Variants in GNAL observed in about 807,000 individuals in gnomAD.
GNAL encodes the protein G protein subunit alpha L, also known as guanine nucleotide-binding protein G(olf) subunit alpha.
Under a neutral mutation model 55.1 loss-of-function variants are expected in GNAL, and 18 were observed. The ratio of observed to expected loss-of-function variants is 0.33; its 90% CI spans 0.23 to 0.48. GNAL has a LOEUF of 0.48. Among genes scored for constraint, GNAL ranks in the 20% least tolerant of loss-of-function variants. GNAL has a pLI of 0.99. For synonymous variants in GNAL, 253 were observed against 237.0 expected, an observed-to-expected ratio of 1.07 and a Z score of -0.62; for missense variants, 412 against 614.1, an observed-to-expected ratio of 0.67 and a Z score of 3.48.
At chr18:11,696,561 A>T (rs989361213) in intron 1 of GNAL, among the ~76,000 whole-genome samples, 2 of 151,924 alleles carry the variant, frequency 1.3e-5, no homozygotes, top group Admixed American at 1.3e-4. Context: ...GAATGCAGTG[A>T]TGTTGCATTT....
At chr18:11,720,413 T>C (rs1429045013) in intron 1 of GNAL, among the ~76,000 whole-genome samples, 2 of 152,254 alleles carry the variant, frequency 1.3e-5, no homozygotes, top group African/African-American at 4.8e-5. Flanking sequence ...TCAAAGTAAG[T>C]GCTCCCATTA....
rs933832711 is a variant in GNAL at position 11,751,637 on chromosome 18, G to A, written c.377-1216G>A. 1 of 985,490 alleles carries A rather than the reference G, an allele frequency of 1.0e-6. No individual in the cohort carries two copies. The highest frequency in any genetic ancestry group is 1.2e-6 in the Non-Finnish European group (1 of 829,970). 61.0% of individuals were successfully genotyped at this position (985,490 alleles called of 1,614,324 possible). On this transcript the variant is annotated intron_variant, in intron 1 of 11. Transcript: ENST00000334049. The surrounding 1 kb of genome is among the most constrained non-coding windows in gnomAD (Gnocchi z 4.5). ...GCCCAGACGCACTTTCCCGGCTCGG[G>A]GTGCAAGAGAGCCAGGCGGCCGCGG...
At chr18:11,788,897 G>GA (rs1162398867) in intron 4 of GNAL, among the ~76,000 whole-genome samples, 50 of 82,510 alleles carry the variant, frequency 6.1e-4, no homozygotes, top group African/African-American at 3.1e-3. Flanking sequence ...ACTCCGTCTC[G>GA]AAAAAAAAAA....
rs969044588 is a variant in GNAL at position 11,689,775 on chromosome 18, C to T, written c.212C>T (p.Pro71Leu). The change falls in exon 1 of 12, where the codon CCG (proline) becomes CTG (leucine). Residue 71 changes from proline (P) to leucine (L), a missense_variant. This residue lies in a region of GNAL where 228 missense variants were observed against 194.8 expected (regional missense o/e 1.17). Transcript: ENST00000334049. ...TGCGCTCGGCCCAAAGCAGACAAGC[C>T]GAAGGAGAAGCGGCAGCGCACCGAG... ...PACARPKADK[P>L]KEKRQRTEQL... 1.2e-5 allele frequency: 18 copies of T among 1,526,644 alleles called. No homozygotes were observed. In the Middle Eastern group the frequency reaches 5.1e-4, roughly 43 times the overall value. 94.6% of individuals were successfully genotyped at this position (1,526,644 alleles called of 1,614,324 possible).
intron 9 of GNAL, among the ~76,000 whole-genome samples, chr18:11,870,606 A>G (rs1301688071): frequency 6.6e-6 from 1 of 152,182 alleles, no homozygotes; most frequent in Non-Finnish European, 1.5e-5. Context: ...ATGATCTCTA[A>G]GATCCCTTAC....
At chr18:11,723,207 T>C (rs1268027694) in intron 1 of GNAL, among the ~76,000 whole-genome samples, 2 of 152,074 alleles carry the variant, frequency 1.3e-5, no homozygotes, top group African/African-American at 2.4e-5. Context: ...AAATAAAACG[T>C]TGTAGTCTGT....
At chr18:11,748,733 G>C (rs1015944985) in intron 1 of GNAL, among the ~76,000 whole-genome samples, 2 of 151,924 alleles carry the variant, frequency 1.3e-5, no homozygotes, top group African/African-American at 4.8e-5. Context: ...GTCCCCTGCT[G>C]TCCAACATTT....
intron 1 of GNAL, among the ~76,000 whole-genome samples, chr18:11,717,491 C>T (rs551240110): frequency 2.0e-3 from 302 of 152,288 alleles, no homozygotes; most frequent in African/African-American, 6.8e-3. Context: ...CATATGCACA[C>T]GAATGTTCAT....
At chr18:11,692,007 C>T (rs1035455814) in intron 1 of GNAL, among the ~76,000 whole-genome samples, 3 of 151,652 alleles carry the variant, frequency 2.0e-5, no homozygotes, top group Non-Finnish European at 2.9e-5. Context: ...TGCACTCTAC[C>T]GTAGAATGAA....
At chr18:11,839,983 T>C (rs1185086653) in intron 5 of GNAL, among the ~76,000 whole-genome samples, 1 of 152,216 alleles carries the variant, frequency 6.6e-6, no homozygotes, top group Non-Finnish European at 1.5e-5. Context: ...AAGTAAAACC[T>C]TTCTTAGGGT....
At chr18:11,726,672 A>C (rs151162103) in intron 1 of GNAL, among the ~76,000 whole-genome samples, 1 of 152,254 alleles carries the variant, frequency 6.6e-6, no homozygotes, top group African/African-American at 2.4e-5. Flanking sequence ...GGCTTTCAGC[A>C]TGGAGCTGCT....
chr18:11,792,674 G>A (rs1714565924), intron 4 of GNAL, among the ~76,000 whole-genome samples: 1 of 152,234 alleles, frequency 6.6e-6, no homozygotes, highest in Non-Finnish European at 1.5e-5. Context: ...CTCCTAGCAT[G>A]GTGCCTAGCA....
At chr18:11,736,288 A>G (rs926589083) in intron 1 of GNAL, among the ~76,000 whole-genome samples, 3 of 152,166 alleles carry the variant, frequency 2.0e-5, no homozygotes, top group Admixed American at 2.0e-4. Flanking sequence ...TTAGCTACTC[A>G]GGAGGCCAAG....
intron 1 of GNAL, among the ~76,000 whole-genome samples, chr18:11,733,590 C>G (rs2032391586): frequency 6.6e-6 from 1 of 152,140 alleles, no homozygotes; most frequent in Non-Finnish European, 1.5e-5. Flanking sequence ...CTATGGAATA[C>G]TATTCAGCTG....
intron 1 of GNAL, among the ~76,000 whole-genome samples, chr18:11,724,552 G>A (rs917511996): frequency 7.9e-5 from 12 of 152,174 alleles, no homozygotes; most frequent in East Asian, 1.9e-4. Context: ...TCTGTCGACC[G>A]ATCGTAGGGA....
At chr18:11,863,365 A>C (rs956736686) in intron 6 of GNAL, among the ~76,000 whole-genome samples, 1 of 152,128 alleles carries the variant, frequency 6.6e-6, no homozygotes, top group Non-Finnish European at 1.5e-5. Context: ...AACTTCCCCC[A>C]GAGTCTGTAT....
At chr18:11,706,509 A>G (rs567082401) in intron 1 of GNAL, among the ~76,000 whole-genome samples, 14 of 152,292 alleles carry the variant, frequency 9.2e-5, no homozygotes, top group Non-Finnish European at 1.5e-4. Context: ...AGTTGATCAC[A>G]TCGGTTAACT....
At chr18:11,835,976 C>A (rs1190992390) in intron 5 of GNAL, among the ~76,000 whole-genome samples, 4 of 152,020 alleles carry the variant, frequency 2.6e-5, no homozygotes, top group Non-Finnish European at 4.4e-5. Flanking sequence ...GAGACCTCGT[C>A]TCTACAAATA....
Position 11,689,753 on chromosome 18 carries a change from G to C in GNAL, c.190G>C (p.Ala64Pro). ...GGGCGGCGAAGGGAGCCCGGCATGC[G>C]CTCGGCCCAAAGCAGACAAGCCGAA... Reference protein sequence around the residue: ...PRGGEGSPACARPKADKPKEK... With the variant: ...PRGGEGSPACPRPKADKPKEK... Residue 64 changes from alanine to proline, a missense_variant, in exon 1 of 12, where the codon GCT becomes CCT. Physicochemically the swap from Ala to Pro is conservative, Grantham distance 27 (BLOSUM62 -1). Coordinates refer to ENST00000334049, the MANE Select transcript of GNAL (RefSeq NM_182978.4). 6.6e-7 allele frequency: 1 copy of C among 1,510,542 alleles called. No homozygotes were observed. Among genetic ancestry groups the C allele is most frequent in the Admixed American group, 2.1e-5 (1 of 47,600 alleles). 93.6% of individuals were successfully genotyped at this position (1,510,542 alleles called of 1,614,324 possible).
Sources: gnomAD v4.1 joint callset for allele counts (sites outside exome capture counted in the v4.1 genomes callset) on GRCh38, gnomAD v4.1.1 for gene constraint, gnomAD v4.1.1 regional missense constraint, Gnocchi (gnomAD v3.1) non-coding constraint, MANE v1.5 for transcripts, NCBI Gene and HGNC (gene_info 2026-07-23, HGNC 2026-07-21) for gene names.